The following OR13A1 variants were observed in gnomAD, a reference collection of about 807,000 sequenced individuals.
The protein encoded by OR13A1 is olfactory receptor 13A1.
Under a neutral mutation model 7.5 loss-of-function variants are expected in OR13A1, and 10 were observed. That is an observed-to-expected ratio of 1.34 (90% CI 0.83 to 2.27). OR13A1 has a LOEUF of 2.27. Among genes scored for constraint, OR13A1 ranks in the 30% most tolerant of loss-of-function variants. The probability of loss-of-function intolerance (pLI) is 0.00; values close to 1 mark genes in which losing one functional copy is unlikely to be tolerated. For synonymous variants in OR13A1, 238 were observed against 177.9 expected, an observed-to-expected ratio of 1.34 and a Z score of -2.69; for missense variants, 509 against 419.1, an observed-to-expected ratio of 1.21 and a Z score of -1.87.
At chr10:45,313,616 G>C (rs1170532164) in intron 1 of OR13A1, among the ~76,000 whole-genome samples, 1 of 151,810 alleles carries the variant, frequency 6.6e-6, no homozygotes, top group Non-Finnish European at 1.5e-5. Context: ...AAGCAGAAGT[G>C]ACTATACTAC....
intron 1 of OR13A1, among the ~76,000 whole-genome samples, chr10:45,309,057 G>T (rs142188888): frequency 3.9e-5 from 6 of 152,156 alleles, no homozygotes; most frequent in African/African-American, 1.4e-4. Context: ...TCACAGAAAG[G>T]CCAATTCAGA....
rs367968165 is a variant in OR13A1, at chr10:45,304,186, A to C, written c.237T>G (p.Phe79Leu). The C allele has an allele frequency of 6.2e-7, 1 of 1,614,210 alleles. No homozygotes were observed. The highest frequency in any genetic ancestry group is 1.3e-5 in the African/African-American group (1 of 75,054). ...FNPGLHAPMY[F>L]FLLNLATMDI... Reference sequence around the variant, plus strand: ...CCATAGTAGCCAAGTTGAGTAAGAAAAAGTACATAGGAGCGTGGAGCCCAG... The same window carrying C: ...CCATAGTAGCCAAGTTGAGTAAGAACAAGTACATAGGAGCGTGGAGCCCAG... The change falls in exon 4 of 4, where the codon TTT (phenylalanine) becomes TTG (leucine). Residue 79 changes from phenylalanine (F) to leucine (L), a missense_variant. Phe to Leu is a conservative substitution (Grantham distance 22, BLOSUM62 0). Coordinates refer to ENST00000553795, the MANE Select transcript of OR13A1 (RefSeq NM_001004297.3).
At position 45,304,150 on chromosome 10, in the gene OR13A1, G is replaced by A. The variant is rs1838276291; in HGVS notation, c.273C>T (p.Cys91=). ...LLNLATMDII[C]TSSIMPKALA... ...GCGCCTTGGGCATGATGGAAGAGGT[G>A]CAGATAATGTCCATAGTAGCCAAGT... Residue 91 remains cysteine (C), a synonymous_variant, in exon 4 of 4, where the codon TGC becomes TGT. Coordinates refer to ENST00000553795, the MANE Select transcript of OR13A1 (RefSeq NM_001004297.3). 6.2e-7 allele frequency: 1 copy of A among 1,614,128 alleles called. No homozygotes were observed. Among genetic ancestry groups the A allele is most frequent in the African/African-American group, 1.3e-5 (1 of 74,936 alleles).
intron 1 of OR13A1, among the ~76,000 whole-genome samples, chr10:45,315,131 G>A (rs532224524): frequency 3.9e-5 from 6 of 152,158 alleles, no homozygotes; most frequent in African/African-American, 1.4e-4. Context: ...GATCAGGTTG[G>A]CTTTATTCCT....
In OR13A1 at chr10:45,302,856, G is replaced by C. The variant is rs1439187568; in HGVS notation, c.*580C>G. On this transcript the variant is annotated 3_prime_UTR_variant, in exon 4 of 4. Transcript: ENST00000553795. Reference sequence around the variant, plus strand: ...TCAGAATCTGAAGTGTTAGTAAGAAGAAAAGACAAAAGCAGAAACAACAGT... The same window carrying C: ...TCAGAATCTGAAGTGTTAGTAAGAACAAAAGACAAAAGCAGAAACAACAGT... 6.6e-6 allele frequency: 1 copy of C among 152,358 alleles called. No individual in the cohort carries two copies. Among genetic ancestry groups the C allele is most frequent in the Non-Finnish European group, 1.5e-5 (1 of 68,202 alleles). 9.4% of individuals were successfully genotyped at this position (152,358 alleles called of 1,614,324 possible). A position where few individuals can be genotyped will look rare whatever the true frequency, so the allele number is the denominator to read the frequency against.
chr10:45,304,175 T>G lies in OR13A1; in HGVS notation c.248A>C (p.Asn83Thr), dbSNP rs575091131. 6.2e-7 allele frequency: 1 copy of G among 1,613,922 alleles called. No individual in the cohort carries two copies. Among genetic ancestry groups the G allele is most frequent in the East Asian group, 2.2e-5 (1 of 44,890 alleles). The change falls in exon 4 of 4, where the codon AAC becomes ACC. Residue 83 changes from asparagine (N) to threonine (T), a missense_variant. Physicochemically the swap from Asn to Thr is moderately conservative, Grantham distance 65 (BLOSUM62 0). Coordinates refer to ENST00000553795, the MANE Select transcript of OR13A1 (RefSeq NM_001004297.3). ...GCAGATAATGTCCATAGTAGCCAAGTTGAGTAAGAAAAAGTACATAGGAGC... is the reference window on the plus strand; with the variant it reads ...GCAGATAATGTCCATAGTAGCCAAGGTGAGTAAGAAAAAGTACATAGGAGC... ...LHAPMYFFLL[N>T]LATMDIICTS...
intron 1 of OR13A1, among the ~76,000 whole-genome samples, chr10:45,314,149 T>C (rs752234845): frequency 2.0e-5 from 3 of 151,936 alleles, no homozygotes; most frequent in Non-Finnish European, 4.4e-5. Context: ...CAACACAGTT[T>C]TCAACAAGCA....
At chr10:45,306,948 T>G (rs1009064931) in intron 3 of OR13A1, among the ~76,000 whole-genome samples, 1 of 152,240 alleles carries the variant, frequency 6.6e-6, no homozygotes, top group African/African-American at 2.4e-5. Context: ...TAACTGTAAC[T>G]TTATTTGCTC....
chr10:45,304,732 G>C (rs1838292229), intron 3 of OR13A1, among the ~76,000 whole-genome samples: 1 of 152,152 alleles, frequency 6.6e-6, no homozygotes, highest in South Asian at 2.1e-4. Context: ...GCATTAGAAT[G>C]GCTGCAAAGA....
Position 45,313,106 on chromosome 10 carries a change from A to G in OR13A1, c.-225+2418T>C, listed in dbSNP as rs551268907. Among the ~76,000 whole-genome samples, 6 of 152,268 alleles carry G rather than the reference A, an allele frequency of 3.9e-5. No individual in the cohort carries two copies. In the East Asian group the frequency reaches 7.7e-4, roughly 20 times the overall value. ...AATAACTATAAAACTGTGTTAATGA[A>G]TACATTACATATGAAGATGTAACTT... On this transcript the variant is annotated intron_variant, in intron 1 of 3. Transcript: ENST00000553795.
rs765866410 is a variant in OR13A1, at chr10:45,303,482, TC to T, written c.940del (p.Glu314ArgfsTer44). On this transcript the variant is annotated frameshift_variant, in exon 4 of 4. Transcript: ENST00000553795. LOFTEE classifies it high-confidence loss of function. ...NPLIYTLRNKEVKAALRKLFP... is the reference protein window; with the variant it reads ...NPLIYTLRNKXVKAALRKLFP... ...AAGCTTCCTGAGGGCTGCTTTGACC[TC>T]CTTGTTTCTCAAAGTATAGATGAGG... is the stretch of plus-strand genomic sequence containing the variant. 9.3e-6 allele frequency: 15 copies of T among 1,611,168 alleles called. No individual in the cohort carries two copies. The highest frequency in any genetic ancestry group is 1.3e-5 in the Non-Finnish European group (15 of 1,178,584).
intron 1 of OR13A1, among the ~76,000 whole-genome samples, chr10:45,312,547 G>T (rs1003535532): frequency 6.7e-6 from 1 of 149,250 alleles, no homozygotes; most frequent in Non-Finnish European, 1.5e-5. Flanking sequence ...AAAAGTTAAA[G>T]GAATTCATCA....
At chr10:45,311,519 A>T (rs1441299805) in intron 1 of OR13A1, among the ~76,000 whole-genome samples, 2 of 152,220 alleles carry the variant, frequency 1.3e-5, no homozygotes, top group East Asian at 1.9e-4. Context: ...TATAATATCC[A>T]TACTAGGTAT....
chr10:45,304,137 T>C lies in OR13A1; in HGVS notation c.286A>G (p.Met96Val), dbSNP rs755069932. The stretch of plus-strand genomic sequence containing the variant: ...ACCAGACTGGCCAGCGCCTTGGGCA[T>C]GATGGAAGAGGTGCAGATAATGTCC... Reference protein sequence around the residue: ...TMDIICTSSIMPKALASLVSE... With the variant: ...TMDIICTSSIVPKALASLVSE... The change falls in exon 4 of 4, where the codon ATG becomes GTG. Residue 96 changes from methionine (M) to valine (V), a missense_variant. By Grantham distance (21) the Met-to-Val change is conservative. Transcript: ENST00000553795. 3 of 1,614,160 alleles carry C rather than the reference T, an allele frequency of 1.9e-6. No homozygotes were observed. The highest frequency in any genetic ancestry group is 2.5e-6 in the Non-Finnish European group (3 of 1,180,012).
chr10:45,306,321 C>G (rs1426161638), intron 3 of OR13A1, among the ~76,000 whole-genome samples: 1 of 151,924 alleles, frequency 6.6e-6, no homozygotes, highest in African/African-American at 2.4e-5. Flanking sequence ...GGCGTGGTGG[C>G]GGGCGCCTGT....
intron 1 of OR13A1, among the ~76,000 whole-genome samples, chr10:45,308,514 G>A (rs1041100320): frequency 1.3e-5 from 2 of 152,126 alleles, no homozygotes; most frequent in East Asian, 1.9e-4. Context: ...GCCACATTTG[G>A]CATCCCACTT....
Position 45,304,336 on chromosome 10 carries a change from C to T in OR13A1, c.87G>A (p.Glu29=), listed in dbSNP as rs770871961. The T allele has an allele frequency of 2.5e-6, 4 of 1,614,182 alleles. No homozygotes were observed. The highest frequency in any genetic ancestry group is 3.3e-5 in the Admixed American group (2 of 60,030). ...GCTCCGAAAAGCCCTGCAGGATGAA[C>T]TCGGTTACCAACGTCTGGTTACTCA... ...RMMSNQTLVT[E]FILQGFSEHP... The change falls in exon 4 of 4, where the codon GAG becomes GAA. Residue 29 remains glutamate, a synonymous_variant. Coordinates refer to ENST00000553795, the MANE Select transcript of OR13A1 (RefSeq NM_001004297.3).
At chr10:45,310,306 A>C (rs376947613) in intron 1 of OR13A1, among the ~76,000 whole-genome samples, 1 of 152,308 alleles carries the variant, frequency 6.6e-6, no homozygotes, top group East Asian at 1.9e-4. Context: ...TAGCTTCCAG[A>C]CTGATGGGGC....
At chr10:45,315,429 T>G (rs1838505217) in intron 1 of OR13A1, 95 bp downstream of exon 1, 1 of 152,106 alleles carries the variant, frequency 6.6e-6, no homozygotes. Context: ...TAACAAAATT[T>G]AACACCTTTT....
Sources: gnomAD v4.1 joint callset for allele counts (sites outside exome capture counted in the v4.1 genomes callset) on GRCh38, gnomAD v4.1.1 for gene constraint, MANE v1.5 for transcripts, NCBI Gene and HGNC (gene_info 2026-07-23, HGNC 2026-07-21) for gene names.